The following INPP4B variants were observed in gnomAD, a reference collection of about 807,000 sequenced individuals.
The protein encoded by INPP4B is inositol polyphosphate-4-phosphatase type II B.
A neutral mutation model predicts 122.5 loss-of-function variants in INPP4B; 55 were observed. The ratio of observed to expected loss-of-function variants is 0.45; its 90% CI spans 0.36 to 0.56. The LOEUF is 0.56. INPP4B is among the 20% of genes least tolerant of loss of function. INPP4B has a pLI of 0.00. For synonymous variants in INPP4B, 403 were observed against 388.7 expected (o/e 1.04, Z -0.43); for missense variants, 1,000 against 1,097.7 (o/e 0.91, Z 1.26).
chr4:142,477,458 G>A lies in INPP4B; in HGVS notation c.-190-14732C>T, dbSNP rs372544230. 4.2e-5 allele frequency among the ~76,000 whole-genome samples: 6 copies of A among 143,276 alleles called. No homozygotes were observed. The South Asian group carries it at 6.7e-4, about 16-fold the overall frequency. The allele number at this position is 143,276 out of a possible 152,430, so 94.0% of individuals were successfully genotyped here. A position where few individuals can be genotyped will look rare whatever the true frequency, so the allele number is the denominator to read the frequency against. The stretch of plus-strand genomic sequence containing the variant: ...TAAGCAAAATTAGGGCTGATCTGAA[G>A]GAAACTGGGATGAAAAAAAAATAAA... On this transcript the variant is annotated intron_variant, in intron 2 of 25. Coordinates refer to ENST00000262992, the MANE Select transcript of INPP4B (RefSeq NM_001101669.3).
Position 142,085,497 on chromosome 4 carries a change from A to C in INPP4B, c.2487+647T>G, listed in dbSNP as rs148544758. Among the ~76,000 whole-genome samples, 18 of 152,310 alleles carry C rather than the reference A, an allele frequency of 1.2e-4. No individual in the cohort carries two copies. The East Asian group carries it at 3.5e-3, about 29-fold the overall frequency. On this transcript the variant is annotated intron_variant, in intron 24 of 25. Transcript: ENST00000262992. ...ACAATTCATAAATTTCATGTGAGCT[A>C]TGCCTCAACGGTTACCAGATAAGAG...
intron 2 of INPP4B, among the ~76,000 whole-genome samples, chr4:142,577,391 T>A (rs12500963): frequency 0.33 from 49,459 of 151,886 alleles, 10,377 homozygotes; most frequent in Non-Finnish European, 0.47. Context: ...TGCAAAAAAA[T>A]TTAGTTCATT....
At chr4:142,512,124 A>C (rs976641477) in intron 2 of INPP4B, among the ~76,000 whole-genome samples, 1 of 152,212 alleles carries the variant, frequency 6.6e-6, no homozygotes, top group Admixed American at 6.5e-5. Flanking sequence ...GCAGGATAGT[A>C]GTATAAAATT....
intron 1 of INPP4B, among the ~76,000 whole-genome samples, chr4:142,726,464 CAAG>C (rs1345262351): frequency 3.3e-5 from 5 of 152,226 alleles, no homozygotes; most frequent in Non-Finnish European, 5.9e-5. Flanking sequence ...TATGCTGCAA[CAAG>C]GAGGAAAGTA....
chr4:142,315,348 T>A (rs1418758016), intron 7 of INPP4B, among the ~76,000 whole-genome samples: 1 of 152,218 alleles, frequency 6.6e-6, no homozygotes, highest in Non-Finnish European at 1.5e-5. Flanking sequence ...GATATCATCA[T>A]CTGAATTTAC....
At chr4:142,547,747 T>C (rs892625205) in intron 2 of INPP4B, among the ~76,000 whole-genome samples, 1 of 152,150 alleles carries the variant, frequency 6.6e-6, no homozygotes, top group Non-Finnish European at 1.5e-5. Flanking sequence ...ATAATTTACA[T>C]TGAAAAAATG....
intron 2 of INPP4B, among the ~76,000 whole-genome samples, chr4:142,464,484 A>G (rs1817359037): frequency 6.6e-6 from 1 of 152,106 alleles, no homozygotes; most frequent in Admixed American, 6.6e-5. Context: ...AGCAGGTGAA[A>G]CTACAAAGAA....
At chr4:142,147,256 T>A (rs1811289818) in intron 17 of INPP4B, among the ~76,000 whole-genome samples, 1 of 152,202 alleles carries the variant, frequency 6.6e-6, no homozygotes, top group Non-Finnish European at 1.5e-5. Flanking sequence ...TTCTCAAATG[T>A]ACTTTTTTTG....
intron 2 of INPP4B, among the ~76,000 whole-genome samples, chr4:142,716,380 A>G (rs1282494935): frequency 6.6e-6 from 1 of 152,210 alleles, no homozygotes; most frequent in Admixed American, 6.5e-5. Flanking sequence ...GACCCAAATG[A>G]TACTATCGCA....
At chr4:142,624,253 T>C (rs1001196864) in intron 2 of INPP4B, among the ~76,000 whole-genome samples, 15 of 151,802 alleles carry the variant, frequency 9.9e-5, no homozygotes, top group African/African-American at 3.1e-4. Context: ...TTTTAATGAT[T>C]GCCATTCTAA....
At chr4:142,232,059 A>G (rs1307802621) in intron 12 of INPP4B, among the ~76,000 whole-genome samples, 2 of 152,180 alleles carry the variant, frequency 1.3e-5, no homozygotes, top group Non-Finnish European at 2.9e-5. Context: ...GCTAAGTAGT[A>G]AGGACAGAGA....
chr4:142,776,353 C>T (rs764367981), intron 1 of INPP4B, among the ~76,000 whole-genome samples: 1 of 152,064 alleles, frequency 6.6e-6, no homozygotes, highest in Non-Finnish European at 1.5e-5. Context: ...TTTTCTTCAG[C>T]AGGTATGAAA....
At chr4:142,613,166 C>A (rs1742940535) in intron 2 of INPP4B, among the ~76,000 whole-genome samples, 1 of 152,058 alleles carries the variant, frequency 6.6e-6, no homozygotes, top group Admixed American at 6.5e-5. Flanking sequence ...TGATCAGAGA[C>A]CTACCAGTCT....
At chr4:142,842,989 C>T in intron 1 of INPP4B, among the ~76,000 whole-genome samples, 1 of 143,498 alleles carries the variant, frequency 7.0e-6, no homozygotes, top group South Asian at 2.1e-4. Flanking sequence ...ATAAAATTTC[C>T]TAAACATTTT....
At chr4:142,488,741 A>G (rs903085494) in intron 2 of INPP4B, among the ~76,000 whole-genome samples, 1 of 151,948 alleles carries the variant, frequency 6.6e-6, no homozygotes, top group Non-Finnish European at 1.5e-5. Context: ...TCTCTGTCAA[A>G]CCCAGTATTG....
At chr4:142,270,389 T>C (rs1424455645) in intron 10 of INPP4B, among the ~76,000 whole-genome samples, 2 of 152,172 alleles carry the variant, frequency 1.3e-5, no homozygotes, top group East Asian at 3.8e-4. Flanking sequence ...ATCAATACTT[T>C]TGTTCCAACT....
At chr4:142,550,132 T>A (rs1263826769) in intron 2 of INPP4B, among the ~76,000 whole-genome samples, 4 of 152,144 alleles carry the variant, frequency 2.6e-5, no homozygotes, top group Non-Finnish European at 5.9e-5. Flanking sequence ...TGCCTCTGAT[T>A]AAAACAGTCA....
intron 25 of INPP4B, among the ~76,000 whole-genome samples, chr4:142,060,513 A>G (rs1476534032): frequency 6.6e-6 from 1 of 152,190 alleles, no homozygotes; most frequent in African/African-American, 2.4e-5. Context: ...GAATAAAGAA[A>G]TGAATGTAAA....
intron 22 of INPP4B, 97 bp from the exon 23 acceptor site, chr4:142,108,287 T>C (rs1489639551): frequency 2.0e-5 from 14 of 693,032 alleles, no homozygotes; most frequent in Non-Finnish European, 3.5e-5. Context: ...GAAAATAATT[T>C]CCTAAGGAAA....
Sources: allele counts gnomAD v4.1 joint callset (sites outside exome capture counted in the v4.1 genomes callset), GRCh38; gene constraint gnomAD v4.1.1; transcripts MANE v1.5; gene names NCBI Gene and HGNC (gene_info 2026-07-23, HGNC 2026-07-21).